STX6: variants seen among roughly 807,000 people sequenced by gnomAD.
STX6 encodes syntaxin-6.
A neutral mutation model predicts 38.0 loss-of-function variants in STX6; 23 were observed. The ratio of observed to expected loss-of-function variants is 0.60; its 90% CI spans 0.43 to 0.86. The LOEUF is 0.86. Ranked by LOEUF, STX6 falls within the 40% of genes least tolerant of loss-of-function variation. The pLI, the probability that STX6 is intolerant of heterozygous loss-of-function variation, is 0.00. For missense variants in STX6, 274 were observed against 312.9 expected (o/e 0.88, Z 0.94); for synonymous variants, 123 against 107.5 (o/e 1.14, Z -0.89).
intron 1 of STX6, among the ~76,000 whole-genome samples, chr1:181,019,703 T>C (rs1410912452): frequency 1.3e-5 from 2 of 152,176 alleles, no homozygotes; most frequent in Non-Finnish European, 2.9e-5. Context: ...TACACCTGTC[T>C]AGGACTCTAG....
intron 6 of STX6, chr1:180,988,016 T>G (rs1571331162): frequency 5.1e-6 from 2 of 394,822 alleles, no homozygotes; most frequent in Non-Finnish European, 4.7e-6. Context: ...TTTTTGGAGG[T>G]GTTTAAAAAT....
chr1:180,990,107 T>C lies in STX6; in HGVS notation c.366A>G (p.Ala122=). ...QALAERKNRQ[A]LLGDSGSQNW... ...TCTGGCTGCCACTGTCTCCCAGCAG[T>C]GCCTGTGTGAGAAGAACAACCAGAG... The change falls in exon 5 of 8, where the codon GCA becomes GCG. Residue 122 remains alanine (A), a splice_region_variant and synonymous_variant. Transcript: ENST00000258301. The C allele has an allele frequency of 1.2e-6, 2 of 1,614,086 alleles. No individual in the cohort carries two copies. The highest frequency in any genetic ancestry group is 2.2e-5 in the East Asian group (1 of 44,866).
intron 3 of STX6, among the ~76,000 whole-genome samples, chr1:180,993,893 T>C (rs932988785): frequency 6.6e-6 from 1 of 152,194 alleles, no homozygotes; most frequent in Non-Finnish European, 1.5e-5. Flanking sequence ...TTTTACAATA[T>C]ATGTAAAAAA....
rs772705042 is a variant in STX6, at chr1:180,974,974, TA to T, written c.*1595del. ...TAAAATATCCTTCTTCAAAAATTGT[TA>T]AGAATATTTATTAAAAAGTGCAATT... On this transcript the variant is annotated 3_prime_UTR_variant, in exon 8 of 8. Transcript: ENST00000258301. 2 of 152,514 alleles carry T rather than the reference TA, an allele frequency of 1.3e-5. No individual in the cohort carries two copies. Among genetic ancestry groups the T allele is most frequent in the Non-Finnish European group, 2.9e-5 (2 of 68,020 alleles). 9.4% of individuals were successfully genotyped at this position (152,514 alleles called of 1,614,324 possible).
intron 6 of STX6, 180 bp downstream of exon 6, chr1:180,988,058 AT>A (rs1377708630): frequency 4.1e-6 from 2 of 487,230 alleles, no homozygotes; most frequent in Non-Finnish European, 7.4e-6. Flanking sequence ...CTGTAGTAAA[AT>A]TTACGAAGTA....
In STX6 at chr1:180,972,917, T is replaced by C; in HGVS notation, c.*3653A>G. 1 of 274,848 alleles carries C rather than the reference T, an allele frequency of 3.6e-6. No individual in the cohort carries two copies. The highest frequency in any genetic ancestry group is 7.1e-6 in the Non-Finnish European group (1 of 140,602). 17.0% of individuals were successfully genotyped at this position (274,848 alleles called of 1,614,324 possible). A position where few individuals can be genotyped will look rare whatever the true frequency, so the allele number is the denominator to read the frequency against. On this transcript the variant is annotated 3_prime_UTR_variant, in exon 8 of 8. Coordinates refer to ENST00000258301, the MANE Select transcript of STX6 (RefSeq NM_005819.6). ...GAGAAAGAAAAGAAAGACCACCCCC[T>C]ATTAGAAGCAAAGGCCCTGGGAGGA... is the stretch of plus-strand genomic sequence containing the variant.
chr1:181,005,812 C>T lies in STX6; in HGVS notation c.36-349G>A, dbSNP rs541333703. 1.4e-4 allele frequency among the ~76,000 whole-genome samples: 22 copies of T among 152,244 alleles called. No homozygotes were observed. In the South Asian group the frequency reaches 2.3e-3, roughly 16 times the overall value. ...GGCAATGAGCATTCCCACATGCTTCCACTTGGTGTGACAGTATTAATAATT... is the reference window on the plus strand; with the variant it reads ...GGCAATGAGCATTCCCACATGCTTCTACTTGGTGTGACAGTATTAATAATT... On this transcript the variant is annotated intron_variant, in intron 1 of 7. Transcript: ENST00000258301.
chr1:180,992,029 G>T (rs895411323), intron 4 of STX6, among the ~76,000 whole-genome samples: 13 of 150,832 alleles, frequency 8.6e-5, no homozygotes, highest in African/African-American at 3.2e-4. Context: ...TTCAAATTAA[G>T]AGTAACAGCA....
chr1:181,018,105 C>T (rs1434439857), intron 1 of STX6, among the ~76,000 whole-genome samples: 2 of 152,022 alleles, frequency 1.3e-5, no homozygotes, highest in East Asian at 3.9e-4. Context: ...ATAAAACAGG[C>T]CAGGCGCGGT....
At position 181,005,280 on chromosome 1, in the gene STX6, A is replaced by G; in HGVS notation, c.205+14T>C. 1 of 1,610,354 alleles carries G rather than the reference A, an allele frequency of 6.2e-7. No individual in the cohort carries two copies. Among genetic ancestry groups the G allele is most frequent in the East Asian group, 2.2e-5 (1 of 44,800 alleles). Reference sequence around the variant, plus strand: ...ATTTATCCCGAATGGCACAGACACCACAGAAAAGGATATTGATGGTTTCAT... The same window carrying G: ...ATTTATCCCGAATGGCACAGACACCGCAGAAAAGGATATTGATGGTTTCAT... On this transcript the variant is annotated intron_variant, in intron 2 of 7. Coordinates refer to ENST00000258301, the MANE Select transcript of STX6 (RefSeq NM_005819.6).
intron 1 of STX6, among the ~76,000 whole-genome samples, chr1:181,019,001 T>C (rs553319531): frequency 1.3e-5 from 2 of 152,324 alleles, no homozygotes; most frequent in East Asian, 3.9e-4. Context: ...GCAAGTAAGT[T>C]AACCCCTCTA....
At position 181,005,376 on chromosome 1, in the gene STX6, T is replaced by G; in HGVS notation, c.123A>C (p.Glu41Asp). 1 of 1,614,126 alleles carries G rather than the reference T, an allele frequency of 6.2e-7. No individual in the cohort carries two copies. The highest frequency in any genetic ancestry group is 8.5e-7 in the Non-Finnish European group (1 of 1,179,978). Residue 41 changes from glutamate to aspartate, a missense_variant, in exon 2 of 8, where the codon GAA (glutamate) becomes GAC (aspartate). Transcript: ENST00000258301. ...GCTCGTTGGTGGTCCAGTCGATTTC[T>G]TCCCTTGTTGCTGTGGAGGGGTCCT... Reference protein sequence around the residue: ...LLQDPSTATREEIDWTTNELR... With the variant: ...LLQDPSTATRDEIDWTTNELR...
intron 2 of STX6, among the ~76,000 whole-genome samples, chr1:181,004,996 G>A (rs1174939647): frequency 6.7e-6 from 1 of 150,186 alleles, no homozygotes; most frequent in Non-Finnish European, 1.5e-5. Context: ...CATTGGTGGA[G>A]GCAGGACTTG....
At chr1:181,013,102 C>T (rs999628922) in intron 1 of STX6, among the ~76,000 whole-genome samples, 1 of 151,216 alleles carries the variant, frequency 6.6e-6, no homozygotes, top group Non-Finnish European at 1.5e-5. Flanking sequence ...CAATATGGTA[C>T]ATCACCAAAC....
In STX6 at chr1:180,974,859, G is replaced by T. The variant is rs1193933397; in HGVS notation, c.*1711C>A. ...AAACATTAGAGCGGAGTGTAAACAT[G>T]GATGTCAATCACCCTTTTAGTTTCA... is the stretch of plus-strand genomic sequence containing the variant. On this transcript the variant is annotated 3_prime_UTR_variant, in exon 8 of 8. Transcript: ENST00000258301. 1 of 152,446 alleles carries T rather than the reference G, an allele frequency of 6.6e-6. No individual in the cohort carries two copies. The highest frequency in any genetic ancestry group is 1.5e-5 in the Non-Finnish European group (1 of 68,024). 9.4% of individuals were successfully genotyped at this position (152,446 alleles called of 1,614,324 possible). A position where few individuals can be genotyped will look rare whatever the true frequency, so the allele number is the denominator to read the frequency against.
intron 7 of STX6, 116 bp from the exon 8 acceptor site, chr1:180,976,762 C>A: frequency 1.1e-6 from 1 of 931,462 alleles, no homozygotes; most frequent in South Asian, 1.4e-5. Flanking sequence ...GTGCAAATGA[C>A]GGGGCCATGA....
At chr1:181,005,026 C>T (rs1180539112) in intron 2 of STX6, among the ~76,000 whole-genome samples, 1 of 150,862 alleles carries the variant, frequency 6.6e-6, no homozygotes, top group Admixed American at 6.6e-5. Flanking sequence ...AATCTGACTC[C>T]AGGGTCCACA....
At chr1:181,016,945 G>A (rs951666910) in intron 1 of STX6, among the ~76,000 whole-genome samples, 1 of 151,742 alleles carries the variant, frequency 6.6e-6, no homozygotes, top group African/African-American at 2.4e-5. Flanking sequence ...AAACTATCCG[G>A]GCGTGATGGC....
chr1:180,992,018 A>G (rs1386068621), intron 4 of STX6, among the ~76,000 whole-genome samples: 1 of 151,162 alleles, frequency 6.6e-6, no homozygotes, highest in African/African-American at 2.4e-5. Context: ...AGAATAAAAC[A>G]TTCAAATTAA....
Sources: allele counts gnomAD v4.1 joint callset (sites outside exome capture counted in the v4.1 genomes callset), GRCh38; gene constraint gnomAD v4.1.1; transcripts MANE v1.5; gene names NCBI Gene and HGNC (gene_info 2026-07-23, HGNC 2026-07-21).